The following IYD variants were observed in gnomAD, a reference collection of about 807,000 sequenced individuals.
IYD encodes iodotyrosine deiodinase 1.
Under a neutral mutation model 28.4 loss-of-function variants are expected in IYD, and 25 were observed. That is an observed-to-expected ratio of 0.88 (90% CI 0.64 to 1.23). The LOEUF (loss-of-function observed/expected upper bound fraction) is 1.23. IYD is among the 50% of genes most tolerant of loss of function. The pLI, the probability that IYD is intolerant of heterozygous loss-of-function variation, is 0.00. For missense variants in IYD, 352 were observed against 357.9 expected (o/e 0.98, Z 0.13); for synonymous variants, 140 against 130.8 (o/e 1.07, Z -0.48).
Position 150,380,224 on chromosome 6 carries a change from A to G in IYD, c.179-9128A>G, listed in dbSNP as rs115871201. ...AGTATTTGGTGTTTTGCAAATTACA[A>G]TTGTAACCTGAAAACTTGTTTTTTC... is the stretch of plus-strand genomic sequence containing the variant. On this transcript the variant is annotated intron_variant, in intron 1 of 4. Coordinates refer to ENST00000344419, the MANE Select transcript of IYD (RefSeq NM_203395.3). Among the ~76,000 whole-genome samples the G allele has an allele frequency of 7.1e-3, 1,087 of 152,294 alleles. 22 individuals carry two copies. The highest frequency in any genetic ancestry group is 0.025 in the African/African-American group (1,053 of 41,552).
chr6:150,376,916 A>G (rs7757456), intron 1 of IYD, among the ~76,000 whole-genome samples: 21 of 152,012 alleles, frequency 1.4e-4, no homozygotes, highest in African/African-American at 5.1e-4. Flanking sequence ...GCCACTGGGC[A>G]CATCCTAATT....
chr6:150,390,749 C>T (rs867156317), intron 2 of IYD, among the ~76,000 whole-genome samples: 3 of 152,160 alleles, frequency 2.0e-5, no homozygotes, highest in Non-Finnish European at 2.9e-5. Flanking sequence ...GGTTGAGGGA[C>T]GACACCCAGA....
chr6:150,382,598 C>G (rs1162801081), intron 1 of IYD, among the ~76,000 whole-genome samples: 1 of 152,006 alleles, frequency 6.6e-6, no homozygotes, highest in East Asian at 1.9e-4. Context: ...ATGGTTAGAC[C>G]TTCTCACTGT....
At chr6:150,389,816 A>G (rs1458866398) in intron 2 of IYD, among the ~76,000 whole-genome samples, 1 of 152,156 alleles carries the variant, frequency 6.6e-6, no homozygotes, top group Non-Finnish European at 1.5e-5. Flanking sequence ...AAAAACCAAG[A>G]TTTCTGATCA....
At chr6:150,378,800 C>T (rs1309379014) in intron 1 of IYD, among the ~76,000 whole-genome samples, 1 of 152,122 alleles carries the variant, frequency 6.6e-6, no homozygotes, top group Non-Finnish European at 1.5e-5. Context: ...GGTATATACC[C>T]AAAGGACTAT....
chr6:150,388,650 T>TCTTTCTTC (rs1777980489), intron 1 of IYD, among the ~76,000 whole-genome samples: 2 of 56,760 alleles, frequency 3.5e-5, no homozygotes, highest in Non-Finnish European at 1.3e-4. Flanking sequence ...TTTCTTTCTT[T>TCTTTCTTC]CTTTCTTTCT....
chr6:150,396,219 A>C (rs1778306756), intron 4 of IYD: 2 of 351,892 alleles, frequency 5.7e-6, no homozygotes, highest in South Asian at 1.5e-4. Flanking sequence ...TTTATAAAGG[A>C]AGAAACTGCT....
chr6:150,394,335 A>T (rs529950162), intron 4 of IYD, 80 bp downstream of exon 4: 82 of 1,499,014 alleles, frequency 5.5e-5, no homozygotes, highest in Middle Eastern at 1.8e-4. Context: ...ACATTTGGAA[A>T]TTTTTTTTTA....
rs9397944 is a variant in IYD, at chr6:150,389,311, G to A, written c.179-41G>A. 90,107 of 1,525,250 alleles carry A rather than the reference G, an allele frequency of 0.059. 5,627 individuals are homozygous for A. Among genetic ancestry groups the A allele is most frequent in the East Asian group, 0.31 (13,817 of 44,342 alleles). The allele number at this position is 1,525,250 out of a possible 1,614,324, so 94.5% of individuals were successfully genotyped here. A position where few individuals can be genotyped will look rare whatever the true frequency, so the allele number is the denominator to read the frequency against. On this transcript the variant is annotated intron_variant, in intron 1 of 4. Coordinates refer to ENST00000344419, the MANE Select transcript of IYD (RefSeq NM_203395.3). ...TCCCCAGCGGTCACCTTATGACCAA[G>A]GGATCATTTAGTTTGTTACCTTTCT...
intron 4 of IYD, chr6:150,396,203 C>A: frequency 6.1e-6 from 2 of 325,490 alleles, no homozygotes; most frequent in Non-Finnish European, 1.1e-5. Context: ...TGGTTTGCTG[C>A]CTACATTTAT....
At chr6:150,375,572 T>C (rs377371658) in intron 1 of IYD, among the ~76,000 whole-genome samples, 25 of 152,318 alleles carry the variant, frequency 1.6e-4, no homozygotes, top group African/African-American at 6.0e-4. Context: ...ACGGTCAGTA[T>C]CTACTAGTGC....
intron 2 of IYD, among the ~76,000 whole-genome samples, chr6:150,391,525 A>G (rs11155729): frequency 0.18 from 27,293 of 151,954 alleles, 2,587 homozygotes; most frequent in East Asian, 0.25. Context: ...ACTTGGGGAC[A>G]TTTTCTTCCA....
Position 150,392,368 on chromosome 6 carries a change from A to G in IYD, c.394A>G (p.Thr132Ala). The change falls in exon 3 of 5, where the codon ACA becomes GCA. Residue 132 changes from threonine (T) to alanine (A), a missense_variant. By Grantham distance (58) the Thr-to-Ala change is moderately conservative. Coordinates refer to ENST00000344419, the MANE Select transcript of IYD (RefSeq NM_203395.3). Reference sequence around the variant, plus strand: ...AGGAACAGCCCCGAGTGGGGCTCACACAGAGCCCTGGACCTTCGTGGTTGT... The same window carrying G: ...AGGAACAGCCCCGAGTGGGGCTCACGCAGAGCCCTGGACCTTCGTGGTTGT... The part of the protein sequence containing the change: ...TAGTAPSGAH[T>A]EPWTFVVVKD... 4 of 1,613,652 alleles carry G rather than the reference A, an allele frequency of 2.5e-6. No homozygotes were observed. Among genetic ancestry groups the G allele is most frequent in the Non-Finnish European group, 3.4e-6 (4 of 1,179,848 alleles).
At chr6:150,398,007 T>A in intron 4 of IYD, 48 bp from the exon 5 acceptor site, 1 of 1,546,230 alleles carries the variant, frequency 6.5e-7, no homozygotes, top group Non-Finnish European at 8.9e-7. Context: ...GGGAGAGCAG[T>A]CATTCTGCCT....
rs779770468 is a variant in IYD, at chr6:150,369,214, A to G, written c.178+5A>G. The G allele has an allele frequency of 2.5e-5, 41 of 1,611,426 alleles. No individual in the cohort carries two copies. The highest frequency in any genetic ancestry group is 5.0e-5 in the Admixed American group (3 of 59,968). ...ACCTGCACCAAGCAGAAGAAGGTAA[A>G]GACACCAGCTATGCTGCTTAGCTTC... On this transcript the variant is annotated splice_donor_5th_base_variant and intron_variant, in intron 1 of 4. Coordinates refer to ENST00000344419, the MANE Select transcript of IYD (RefSeq NM_203395.3).
In IYD at chr6:150,399,987, G is replaced by C. The variant is rs1778461071; in HGVS notation, c.*1750G>C. 6.6e-6 allele frequency: 1 copy of C among 152,258 alleles called. No individual in the cohort carries two copies. The highest frequency in any genetic ancestry group is 6.5e-5 in the Admixed American group (1 of 15,276). 9.4% of individuals were successfully genotyped at this position (152,258 alleles called of 1,614,324 possible). A position where few individuals can be genotyped will look rare whatever the true frequency, so the allele number is the denominator to read the frequency against. ...CCTACTTCATAGGGTTTGGCATGCTGCTCGGTACATGGTTAACATTCATAA... is the reference window on the plus strand; with the variant it reads ...CCTACTTCATAGGGTTTGGCATGCTCCTCGGTACATGGTTAACATTCATAA... On this transcript the variant is annotated 3_prime_UTR_variant, in exon 5 of 5. Transcript: ENST00000344419.
chr6:150,395,302 T>TAA, intron 4 of IYD: 8 of 751,954 alleles, frequency 1.1e-5, no homozygotes, highest in South Asian at 2.0e-5. Context: ...GACAATGGAT[T>TAA]AAAAAAAAAA....
intron 4 of IYD, chr6:150,395,388 T>A: frequency 6.5e-7 from 1 of 1,535,652 alleles, no homozygotes; most frequent in Non-Finnish European, 8.7e-7. Flanking sequence ...TTGAAATGTG[T>A]TTTAGGTTTT....
At chr6:150,370,742 A>G in intron 1 of IYD, 7 of 817,670 alleles carry the variant, frequency 8.6e-6, no homozygotes, top group Non-Finnish European at 1.0e-5. Context: ...GGATCAGAGT[A>G]AAGTTAATGG....
Sources: allele counts gnomAD v4.1 joint callset (sites outside exome capture counted in the v4.1 genomes callset), GRCh38; gene constraint gnomAD v4.1.1; transcripts MANE v1.5; gene names NCBI Gene and HGNC (gene_info 2026-07-23, HGNC 2026-07-21).